SETD4: variants seen among roughly 807,000 people sequenced by gnomAD.
SETD4 encodes the protein SET domain containing 4.
In SETD4, 46 loss-of-function variants were observed where a neutral mutation model predicts 58.3. The ratio of observed to expected loss-of-function variants is 0.79; its 90% CI spans 0.62 to 1.01. SETD4 has a LOEUF of 1.01. SETD4 is among the 50% of genes least tolerant of loss of function. The probability of loss-of-function intolerance (pLI) is 0.00; values close to 1 mark genes in which losing one functional copy is unlikely to be tolerated. For missense variants in SETD4, 490 were observed against 523.3 expected (o/e 0.94, Z 0.62); for synonymous variants, 190 against 202.6 (o/e 0.94, Z 0.53).
At chr21:36,055,761 C>T (rs536309450) in intron 3 of SETD4, among the ~76,000 whole-genome samples, 2 of 152,310 alleles carry the variant, frequency 1.3e-5, no homozygotes, top group South Asian at 4.1e-4. Flanking sequence ...GCAAGTTGTG[C>T]TCACTTTTAA....
In SETD4 at chr21:36,045,719, G is replaced by A. The variant is rs779495034; in HGVS notation, c.589C>T (p.Leu197=). ...AVDSIFSYSA[L]LWAWCTVNTR... is the part of the protein sequence containing the mutation. Reference sequence around the variant, plus strand: ...TTGACGGTGCACCAAGCCCACAGCAGGGCACTGTAGCTGAAGATGCTGTCA... The same window carrying A: ...TTGACGGTGCACCAAGCCCACAGCAAGGCACTGTAGCTGAAGATGCTGTCA... The change falls in exon 6 of 12, where the codon CTG becomes TTG. Residue 197 remains leucine (L), a synonymous_variant. Transcript: ENST00000332131. The A allele has an allele frequency of 6.2e-7, 1 of 1,614,090 alleles. No individual in the cohort carries two copies. Among genetic ancestry groups the A allele is most frequent in the African/African-American group, 1.3e-5 (1 of 74,916 alleles).
At chr21:36,050,206 A>G in intron 4 of SETD4, 1 of 1,181,010 alleles carries the variant, frequency 8.5e-7, no homozygotes, top group Non-Finnish European at 1.3e-6. Flanking sequence ...AGGAAGCACA[A>G]GCTGATCAAG....
chr21:36,040,711 A>G, intron 8 of SETD4, 56 bp from the exon 9 acceptor site: 2 of 1,477,750 alleles, frequency 1.4e-6, no homozygotes, highest in Non-Finnish European at 1.9e-6. Context: ...TCATGACCTC[A>G]TAGCAAATGA....
At chr21:36,055,224 G>C (rs941459005) in intron 3 of SETD4, among the ~76,000 whole-genome samples, 2 of 152,146 alleles carry the variant, frequency 1.3e-5, no homozygotes, top group Non-Finnish European at 2.9e-5. Context: ...ATGAACAAAA[G>C]CTGGCCTATG....
Position 36,058,838 on chromosome 21 carries a change from G to A in SETD4, c.51C>T (p.Cys17=), listed in dbSNP as rs143055393. The A allele has an allele frequency of 2.6e-4, 418 of 1,601,154 alleles. No individual in the cohort carries two copies. The African/African-American group carries it at 3.8e-3, about 15-fold the overall frequency. The change falls in exon 2 of 12, where the codon TGC becomes TGT. Residue 17 remains cysteine (C), a synonymous_variant. Coordinates refer to ENST00000332131, the MANE Select transcript of SETD4 (RefSeq NM_017438.5). ...TACCTCCTCTTGATTCAGAACTTCC[G>A]CAGAGTTTTCGTCTTCTGATCCGGC... ...RTSRIRRRKL[C]GSSESRGVNE...
At chr21:36,045,086 C>A (rs1568915180) in intron 6 of SETD4, among the ~76,000 whole-genome samples, 1 of 152,202 alleles carries the variant, frequency 6.6e-6, no homozygotes, top group Non-Finnish European at 1.5e-5. Context: ...TGTGCCAGGC[C>A]CTGCCATGAG....
chr21:36,045,777 G>A lies in SETD4; in HGVS notation c.531C>T (p.Phe177=). 1 of 1,614,226 alleles carries A rather than the reference G, an allele frequency of 6.2e-7. No homozygotes were observed. Among genetic ancestry groups the A allele is most frequent in the Non-Finnish European group, 8.5e-7 (1 of 1,180,048 alleles). Residue 177 remains phenylalanine, a synonymous_variant, in exon 6 of 12, where the codon TTC becomes TTT. Transcript: ENST00000332131. ...QEFFASSRDF[F]SSLQPLFAEA... The stretch of plus-strand genomic sequence containing the variant: ...CCGCAAACAGAGGCTGCAGAGAAGA[G>A]AAAAAGTCTCTGGAGGAAGCAAAGA...
intron 9 of SETD4, among the ~76,000 whole-genome samples, chr21:36,040,042 T>C (rs1462753873): frequency 3.3e-5 from 5 of 152,142 alleles, no homozygotes; most frequent in Non-Finnish European, 7.3e-5. Context: ...CACAGCTGGA[T>C]GTGTCGACAG....
In SETD4 at chr21:36,034,885, A is replaced by T. The variant is rs1055550727; in HGVS notation, c.*1108T>A. On this transcript the variant is annotated 3_prime_UTR_variant, in exon 12 of 12. Coordinates refer to ENST00000332131, the MANE Select transcript of SETD4 (RefSeq NM_017438.5). ...TGCATTATACTGAATATTGAAAAAAAATATACTGCAGCTACTGAAAAATAA... is the reference window on the plus strand; with the variant it reads ...TGCATTATACTGAATATTGAAAAAATATATACTGCAGCTACTGAAAAATAA... 5 of 152,230 alleles carry T rather than the reference A, an allele frequency of 3.3e-5. No homozygotes were observed. Among genetic ancestry groups the T allele is most frequent in the Non-Finnish European group, 7.3e-5 (5 of 68,044 alleles). The allele number at this position is 152,230 out of a possible 1,614,324, so 9.4% of individuals were successfully genotyped here.
chr21:36,040,381 A>G (rs1034559767), intron 9 of SETD4, among the ~76,000 whole-genome samples, 194 bp downstream of exon 9: 3 of 152,248 alleles, frequency 2.0e-5, no homozygotes, highest in African/African-American at 7.2e-5. Context: ...CAGAATTCCA[A>G]AACGGTTAAA....
In SETD4 at chr21:36,044,636, C is replaced by G. The variant is rs915196290; in HGVS notation, c.727-680G>C. Among the ~76,000 whole-genome samples the G allele has an allele frequency of 2.0e-5, 3 of 152,234 alleles. No individual in the cohort carries two copies. The South Asian group carries it at 6.2e-4, about 31-fold the overall frequency. On this transcript the variant is annotated intron_variant, in intron 6 of 11. Transcript: ENST00000332131. ...CCTTTGCTCCCGATTATTAAAGATA[C>G]TTCTTTCTACAAAAGTAACAAGCAG...
chr21:36,042,036 T>C, intron 7 of SETD4, 148 bp from the exon 8 acceptor site: 1 of 522,270 alleles, frequency 1.9e-6, no homozygotes, highest in Non-Finnish European at 3.4e-6. Flanking sequence ...AAATCTACTC[T>C]TCAAGTCCAA....
At chr21:36,036,910 C>T (rs1053814810) in intron 10 of SETD4, among the ~76,000 whole-genome samples, 8 of 152,178 alleles carry the variant, frequency 5.3e-5, no homozygotes, top group African/African-American at 7.2e-5. Context: ...TGCTGTCACA[C>T]GGCAATAAGC....
chr21:36,038,318 A>G, intron 9 of SETD4, 45 bp from the exon 10 acceptor site: 1 of 1,599,512 alleles, frequency 6.3e-7, no homozygotes, highest in Non-Finnish European at 8.5e-7. Context: ...AGGCTCTCAA[A>G]AAACAGATTT....
chr21:36,050,378 GA>G, intron 4 of SETD4: 1 of 1,614,140 alleles, frequency 6.2e-7, no homozygotes, highest in Non-Finnish European at 8.5e-7. Context: ...TGACAATGGA[GA>G]AAGGAAACTT....
chr21:36,043,505 C>G, intron 7 of SETD4: 3 of 1,254,756 alleles, frequency 2.4e-6, no homozygotes, highest in South Asian at 2.1e-5. Flanking sequence ...TCCTTTAATA[C>G]TGTATTTATT....
intron 7 of SETD4, chr21:36,043,487 C>T: frequency 8.5e-7 from 1 of 1,173,456 alleles, no homozygotes. Flanking sequence ...TCAGTATAAA[C>T]ATTTCCATCC....
chr21:36,057,959 T>C (rs1004458525), intron 2 of SETD4, among the ~76,000 whole-genome samples: 2 of 152,230 alleles, frequency 1.3e-5, no homozygotes, highest in African/African-American at 4.8e-5. Context: ...ACTTTCCAGA[T>C]GGCCAAGCAC....
At chr21:36,049,586 T>C (rs536482416) in intron 4 of SETD4, among the ~76,000 whole-genome samples, 16 of 152,160 alleles carry the variant, frequency 1.1e-4, no homozygotes, top group African/African-American at 3.9e-4. Flanking sequence ...AGCCAAAAAA[T>C]CTTCCGGGAT....
Sources: gnomAD v4.1 joint callset for allele counts (sites outside exome capture counted in the v4.1 genomes callset) on GRCh38, gnomAD v4.1.1 for gene constraint, MANE v1.5 for transcripts, NCBI Gene and HGNC (gene_info 2026-07-23, HGNC 2026-07-21) for gene names.